NCAM2: variants seen among roughly 807,000 people sequenced by gnomAD.
NCAM2 encodes the protein neural cell adhesion molecule 2, also known as N-CAM-2.
Under a neutral mutation model 98.1 loss-of-function variants are expected in NCAM2, and 30 were observed. That is an observed-to-expected ratio of 0.31 (90% CI 0.23 to 0.41). NCAM2 has a LOEUF of 0.41. NCAM2 is among the 10% of genes least tolerant of loss of function. NCAM2 has a pLI of 1.00. For synonymous variants in NCAM2, 368 were observed against 342.4 expected, an observed-to-expected ratio of 1.07 and a Z score of -0.83; for missense variants, 867 against 1,005.8, an observed-to-expected ratio of 0.86 and a Z score of 1.87.
At chr21:21,472,174 G>A (rs565401713) in intron 14 of NCAM2, among the ~76,000 whole-genome samples, 2 of 151,828 alleles carry the variant, frequency 1.3e-5, no homozygotes, top group South Asian at 2.1e-4. Context: ...CTTAGTGTTG[G>A]CATATTAAAT....
intron 8 of NCAM2, among the ~76,000 whole-genome samples, chr21:21,354,645 T>C (rs1319379400): frequency 6.6e-6 from 1 of 152,180 alleles, no homozygotes; most frequent in African/African-American, 2.4e-5. Context: ...TGATACAAAA[T>C]TTAGCTATGA....
At chr21:21,064,517 G>A (rs1021426115) in intron 1 of NCAM2, among the ~76,000 whole-genome samples, 3 of 152,168 alleles carry the variant, frequency 2.0e-5, no homozygotes, top group South Asian at 4.1e-4. Flanking sequence ...TCCACTGAAA[G>A]CATTGTCTTC....
chr21:21,470,559 C>T (rs1177468262), intron 14 of NCAM2, among the ~76,000 whole-genome samples: 1 of 151,996 alleles, frequency 6.6e-6, no homozygotes, highest in African/African-American at 2.4e-5. Context: ...AAAGTTACTC[C>T]TTCCGTTTTC....
intron 17 of NCAM2, among the ~76,000 whole-genome samples, chr21:21,536,408 C>T (rs9984055): frequency 0.44 from 35,545 of 80,908 alleles, 5,406 homozygotes; most frequent in African/African-American, 0.57. Context: ...TTTTTTTTTT[C>T]CGAGACTAGT....
chr21:21,133,784 T>C (rs1003295181), intron 1 of NCAM2, among the ~76,000 whole-genome samples: 3 of 152,102 alleles, frequency 2.0e-5, no homozygotes, highest in Non-Finnish European at 2.9e-5. Context: ...TAAAAAGGTA[T>C]TAACTTACCC....
chr21:21,509,149 G>A (rs1988197888), intron 16 of NCAM2, 94 bp downstream of exon 16: 1 of 1,217,948 alleles, frequency 8.2e-7, no homozygotes, highest in Non-Finnish European at 1.2e-6. Flanking sequence ...TAAAGGAGTA[G>A]GGTAAAGAGT....
At chr21:21,433,782 A>AAAT (rs2077401574) in intron 12 of NCAM2, among the ~76,000 whole-genome samples, 1 of 150,322 alleles carries the variant, frequency 6.7e-6, no homozygotes, top group African/African-American at 2.4e-5. Flanking sequence ...AAATAAAATA[A>AAAT]AATAAAATAA....
intron 12 of NCAM2, among the ~76,000 whole-genome samples, chr21:21,459,953 TAAA>T (rs1982723064): frequency 6.6e-6 from 1 of 151,936 alleles, no homozygotes; most frequent in Non-Finnish European, 1.5e-5. Flanking sequence ...ACAAACATAT[TAAA>T]AAACTGGTAA....
chr21:21,483,731 C>T (rs963711478), intron 15 of NCAM2, among the ~76,000 whole-genome samples: 2 of 152,176 alleles, frequency 1.3e-5, no homozygotes, highest in East Asian at 1.9e-4. Context: ...ACTACACCTG[C>T]AGCAGCATTT....
intron 12 of NCAM2, among the ~76,000 whole-genome samples, chr21:21,445,831 G>T (rs1001589192): frequency 1.3e-5 from 2 of 152,034 alleles, no homozygotes; most frequent in Non-Finnish European, 2.9e-5. Flanking sequence ...TACATTTAAG[G>T]TTAGTATTGT....
chr21:21,368,484 G>A (rs1048910531), intron 8 of NCAM2, among the ~76,000 whole-genome samples: 3 of 151,740 alleles, frequency 2.0e-5, no homozygotes, highest in Admixed American at 6.6e-5. Flanking sequence ...ACAAAATACT[G>A]TAAAGTGGCT....
At chr21:21,044,915 T>C (rs1186898965) in intron 1 of NCAM2, among the ~76,000 whole-genome samples, 3 of 152,134 alleles carry the variant, frequency 2.0e-5, no homozygotes, top group South Asian at 2.1e-4. Flanking sequence ...TCTTAAAATA[T>C]GCATGTTTGT....
Position 21,158,351 on chromosome 21 carries a change from G to C in NCAM2, c.56-122227G>C, listed in dbSNP as rs185918628. Reference sequence around the variant, plus strand: ...AATGGGGCCAGGCGCAGTGGCTCAGGCCTGTAATCCCAGCCCTTTGGGAGA... The same window carrying C: ...AATGGGGCCAGGCGCAGTGGCTCAGCCCTGTAATCCCAGCCCTTTGGGAGA... On this transcript the variant is annotated intron_variant, in intron 1 of 17. Coordinates refer to ENST00000400546, the MANE Select transcript of NCAM2 (RefSeq NM_004540.5). Among the ~76,000 whole-genome samples the C allele has an allele frequency of 6.6e-5, 10 of 152,220 alleles. No individual in the cohort carries two copies. The East Asian group carries it at 1.9e-3, about 29-fold the overall frequency.
chr21:21,524,007 T>TA lies in NCAM2; in HGVS notation c.2283-10521dup, dbSNP rs202035724. Among the ~76,000 whole-genome samples, 518 of 146,418 alleles carry TA rather than the reference T, an allele frequency of 3.5e-3. 5 individuals are homozygous for TA. The highest frequency in any genetic ancestry group is 0.013 in the African/African-American group (498 of 39,614). ...GAAAGGTAGAGACTGTCAGAGTAAA[T>TA]AAAAAAAAACGAGACCCAACCAGAT... On this transcript the variant is annotated intron_variant, in intron 16 of 17. Coordinates refer to ENST00000400546, the MANE Select transcript of NCAM2 (RefSeq NM_004540.5).
chr21:21,044,753 C>T (rs1287773633), intron 1 of NCAM2, among the ~76,000 whole-genome samples: 1 of 151,858 alleles, frequency 6.6e-6, no homozygotes, highest in East Asian at 1.9e-4. Context: ...ATTGCTTGAG[C>T]CCAGGAGCTT....
At chr21:21,008,978 C>A (rs1383337064) in intron 1 of NCAM2, among the ~76,000 whole-genome samples, 1 of 152,138 alleles carries the variant, frequency 6.6e-6, no homozygotes, top group Non-Finnish European at 1.5e-5. Context: ...CTGAATTCTG[C>A]ACTTCAAACT....
chr21:21,232,960 A>G (rs73316766), intron 1 of NCAM2, among the ~76,000 whole-genome samples: 2,998 of 151,684 alleles, frequency 0.02, 97 homozygotes, highest in African/African-American at 0.069. Context: ...AAATTTCTAT[A>G]TTTCTACTTT....
At chr21:21,278,317 T>C (rs2072805379) in intron 1 of NCAM2, among the ~76,000 whole-genome samples, 1 of 152,136 alleles carries the variant, frequency 6.6e-6, no homozygotes, top group South Asian at 2.1e-4. Context: ...AAGCTTCTTA[T>C]AAGGGCAATC....
At chr21:21,089,972 A>G (rs2065979634) in intron 1 of NCAM2, among the ~76,000 whole-genome samples, 1 of 152,128 alleles carries the variant, frequency 6.6e-6, no homozygotes, top group African/African-American at 2.4e-5. Context: ...TCACCCAGCC[A>G]CACCAACAAC....
Sources: gnomAD v4.1 joint callset for allele counts (sites outside exome capture counted in the v4.1 genomes callset) on GRCh38, gnomAD v4.1.1 for gene constraint, MANE v1.5 for transcripts, NCBI Gene and HGNC (gene_info 2026-07-23, HGNC 2026-07-21) for gene names.